The following MTPAP variants were observed in gnomAD, a reference collection of about 807,000 sequenced individuals.
MTPAP encodes the protein poly(A) RNA polymerase, mitochondrial.
Under a neutral mutation model 48.7 loss-of-function variants are expected in MTPAP, and 23 were observed. That is an observed-to-expected ratio of 0.47 (90% confidence interval 0.34 to 0.67). The LOEUF (loss-of-function observed/expected upper bound fraction) is 0.67. Among genes scored for constraint, MTPAP ranks in the 30% least tolerant of loss-of-function variants. The pLI, the probability that MTPAP is intolerant of heterozygous loss-of-function variation, is 0.01. For synonymous variants in MTPAP, 257 were observed against 254.1 expected (o/e 1.01, Z -0.11); for missense variants, 614 against 694.3 (o/e 0.88, Z 1.30).
intron 6 of MTPAP, among the ~76,000 whole-genome samples, chr10:30,320,878 C>T (rs1009063090): frequency 3.9e-5 from 6 of 152,184 alleles, no homozygotes; most frequent in Non-Finnish European, 8.8e-5. Flanking sequence ...CCCAAAGTTC[C>T]GTTATTTTTC....
intron 1 of MTPAP, among the ~76,000 whole-genome samples, chr10:30,343,115 G>T (rs1394546410): frequency 6.6e-6 from 1 of 152,048 alleles, no homozygotes; most frequent in Non-Finnish European, 1.5e-5. Context: ...GTCTGGAATG[G>T]TAGACTCTAG....
chr10:30,338,327 C>T (rs1180722435), intron 3 of MTPAP, among the ~76,000 whole-genome samples: 1 of 148,272 alleles, frequency 6.7e-6, no homozygotes, highest in Non-Finnish European at 1.5e-5. Context: ...ATTAACATAA[C>T]ATAACATAAC....
At position 30,341,534 on chromosome 10, in the gene MTPAP, T is replaced by C; in HGVS notation, c.264A>G (p.Glu88=). 1 of 1,614,014 alleles carries C rather than the reference T, an allele frequency of 6.2e-7. No homozygotes were observed. Residue 88 remains glutamate (E), a synonymous_variant, in exon 2 of 9, where the codon GAA becomes GAG. Coordinates refer to ENST00000263063, the MANE Select transcript of MTPAP (RefSeq NM_018109.4). ...VLIHCPEKIS[E]NKFLKYLSQF... is the part of the protein sequence containing the mutation. ...GGGATAAATATTTAAGAAACTTGTT[T>C]TCACTGATTTTCTCTGGGCAATGTA...
intron 5 of MTPAP, among the ~76,000 whole-genome samples, chr10:30,323,146 A>AG (rs1377475839): frequency 2.7e-5 from 4 of 149,078 alleles, no homozygotes; most frequent in Non-Finnish European, 4.5e-5. Flanking sequence ...AAAAAAAAAA[A>AG]AAAAGAAAGA....
intron 3 of MTPAP, among the ~76,000 whole-genome samples, chr10:30,339,761 T>A (rs1834776962): frequency 6.6e-6 from 1 of 152,170 alleles, no homozygotes; most frequent in African/African-American, 2.4e-5. Flanking sequence ...AAAATTGTAA[T>A]AAAAATATTA....
intron 5 of MTPAP, among the ~76,000 whole-genome samples, chr10:30,325,594 A>G (rs531354445): frequency 3.3e-5 from 5 of 152,156 alleles, no homozygotes; most frequent in African/African-American, 1.2e-4. Flanking sequence ...TAAAAAAACA[A>G]AAATTAGCCA....
Position 30,315,962 on chromosome 10 carries a change from C to A in MTPAP, c.1386+1G>T. 1 of 1,586,542 alleles carries A rather than the reference C, an allele frequency of 6.3e-7. No individual in the cohort carries two copies. On this transcript the variant is annotated splice_donor_variant, in intron 8 of 8. Coordinates refer to ENST00000263063, the MANE Select transcript of MTPAP (RefSeq NM_018109.4). LOFTEE classifies it high-confidence loss of function. Reference sequence around the variant, plus strand: ...TAACTAAATAGTAAAACATTATTTACCTGTCGAATATTTATGGAATTTTTA... The same window carrying A: ...TAACTAAATAGTAAAACATTATTTAACTGTCGAATATTTATGGAATTTTTA...
chr10:30,341,713 T>C, intron 1 of MTPAP, 73 bp from the exon 2 acceptor site: 2 of 1,542,834 alleles, frequency 1.3e-6, no homozygotes, highest in Non-Finnish European at 1.8e-6. Context: ...ATAAGGTGTT[T>C]AAAGACTTCA....
chr10:30,325,675 G>A lies in MTPAP; in HGVS notation c.992+749C>T, dbSNP rs894338585. Among the ~76,000 whole-genome samples, 6 of 152,184 alleles carry A rather than the reference G, an allele frequency of 3.9e-5. No individual in the cohort carries two copies. In the East Asian group the frequency reaches 9.8e-4, roughly 25 times the overall value. On this transcript the variant is annotated intron_variant, in intron 5 of 8. Transcript: ENST00000263063. Reference sequence around the variant, plus strand: ...GCACAAGAATCGCTTGAACCCAGGAGGTGGAGGTTGCAGTGAGCCGAGATC... The same window carrying A: ...GCACAAGAATCGCTTGAACCCAGGAAGTGGAGGTTGCAGTGAGCCGAGATC...
intron 4 of MTPAP, among the ~76,000 whole-genome samples, chr10:30,332,361 C>T (rs1026816134): frequency 1.3e-5 from 2 of 152,158 alleles, no homozygotes; most frequent in Non-Finnish European, 2.9e-5. Flanking sequence ...GGCGTGATCT[C>T]GGCTCACTGC....
chr10:30,332,482 C>CG (rs1047074810), intron 4 of MTPAP, among the ~76,000 whole-genome samples: 9 of 151,934 alleles, frequency 5.9e-5, no homozygotes, highest in African/African-American at 2.2e-4. Flanking sequence ...TTAGTAGAGA[C>CG]GGGGTTTCAC....
intron 1 of MTPAP, among the ~76,000 whole-genome samples, chr10:30,342,230 T>C (rs923023051): frequency 1.3e-5 from 2 of 151,968 alleles, no homozygotes; most frequent in African/African-American, 4.8e-5. Flanking sequence ...AGCGAGACTC[T>C]GTCTCAAAAA....
intron 1 of MTPAP, among the ~76,000 whole-genome samples, chr10:30,345,819 G>T (rs1468351944): frequency 1.3e-5 from 2 of 152,084 alleles, no homozygotes; most frequent in Non-Finnish European, 2.9e-5. Context: ...GGTCAGGGAG[G>T]GTGGATCACT....
chr10:30,326,409 T>C lies in MTPAP; in HGVS notation c.992+15A>G. The C allele has an allele frequency of 3.1e-6, 5 of 1,603,230 alleles. No individual in the cohort carries two copies. Among genetic ancestry groups the C allele is most frequent in the Non-Finnish European group, 3.4e-6 (4 of 1,170,440 alleles). The stretch of plus-strand genomic sequence containing the variant: ...GAATATTCATATTTAAAATAATAAA[T>C]GTAAGCGGTCATACCTATTGTTCGT... On this transcript the variant is annotated intron_variant, in intron 5 of 8. Coordinates refer to ENST00000263063, the MANE Select transcript of MTPAP (RefSeq NM_018109.4).
intron 4 of MTPAP, 80 bp from the exon 5 acceptor site, chr10:30,326,715 C>A: frequency 9.7e-7 from 1 of 1,027,682 alleles, no homozygotes; most frequent in South Asian, 1.3e-5. Context: ...AAAGAATGCT[C>A]TAAATCACTG....
chr10:30,332,950 T>C (rs1011253041), intron 4 of MTPAP, among the ~76,000 whole-genome samples: 3 of 151,418 alleles, frequency 2.0e-5, no homozygotes, highest in Non-Finnish European at 4.4e-5. Context: ...TGAAACTCCA[T>C]CTCTACTAAA....
intron 1 of MTPAP, among the ~76,000 whole-genome samples, chr10:30,342,601 T>G (rs1271519120): frequency 6.7e-6 from 1 of 150,372 alleles, no homozygotes; most frequent in Non-Finnish European, 1.5e-5. Flanking sequence ...TGTACAAATA[T>G]GCACACACAA....
chr10:30,316,151 T>C lies in MTPAP; in HGVS notation c.1279A>G (p.Arg427Gly), dbSNP rs1840659069. 1 of 1,614,068 alleles carries C rather than the reference T, an allele frequency of 6.2e-7. No homozygotes were observed. The highest frequency in any genetic ancestry group is 1.7e-5 in the Admixed American group (1 of 60,012). Reference sequence around the variant, plus strand: ...TCTGTGTTCTGTGAAGGTTTAATTCTACTCAAGTCACGAACAAATGTGCAG... The same window carrying C: ...TCTGTGTTCTGTGAAGGTTTAATTCCACTCAAGTCACGAACAAATGTGCAG... The part of the protein sequence containing the change: ...NNCTFVRDLS[R>G]IKPSQNTETL... Residue 427 changes from arginine to glycine, a missense_variant, in exon 7 of 9, where the codon AGA (arginine) becomes GGA (glycine). Physicochemically the swap from Arg to Gly is moderately radical, Grantham distance 125. This residue lies in a region of MTPAP where 261 missense variants were observed against 355.4 expected (regional missense o/e 0.73). Transcript: ENST00000263063.
chr10:30,341,703 A>T, intron 1 of MTPAP, 63 bp from the exon 2 acceptor site: 1 of 1,578,168 alleles, frequency 6.3e-7, no homozygotes, highest in Non-Finnish European at 8.7e-7. Context: ...AAATATTTTG[A>T]TAAGGTGTTT....
Sources: gnomAD v4.1 joint callset for allele counts (sites outside exome capture counted in the v4.1 genomes callset) on GRCh38, gnomAD v4.1.1 for gene constraint, gnomAD v4.1.1 regional missense constraint, MANE v1.5 for transcripts, NCBI Gene and HGNC (gene_info 2026-07-23, HGNC 2026-07-21) for gene names.